RABGAP1L: variants seen among roughly 807,000 people sequenced by gnomAD.
RABGAP1L encodes rab GTPase-activating protein 1-like.
RABGAP1L carries 63 observed loss-of-function variants against 137.7 expected under a neutral mutation model. The observed-to-expected ratio is 0.46, with a 90% CI of 0.37 to 0.56. The LOEUF (loss-of-function observed/expected upper bound fraction) is 0.56. Ranked by LOEUF, RABGAP1L falls within the 20% of genes least tolerant of loss-of-function variation. RABGAP1L has a pLI of 0.00. For synonymous variants in RABGAP1L, 431 were observed against 433.7 expected, an observed-to-expected ratio of 0.99 and a Z score of 0.08; for missense variants, 1,095 against 1,244.0, an observed-to-expected ratio of 0.88 and a Z score of 1.80.
chr1:174,805,142 C>A (rs1028938850), intron 18 of RABGAP1L, among the ~76,000 whole-genome samples: 1 of 152,084 alleles, frequency 6.6e-6, no homozygotes, highest in Non-Finnish European at 1.5e-5. Flanking sequence ...TGAAGTGGAG[C>A]CTTAATAAAT....
chr1:174,459,696 CT>C (rs1057398236), intron 13 of RABGAP1L, among the ~76,000 whole-genome samples: 2 of 151,924 alleles, frequency 1.3e-5, no homozygotes, highest in Admixed American at 6.6e-5. Context: ...TTTTTTTCCC[CT>C]GAATATTTTC....
At chr1:174,800,333 A>G in intron 18 of RABGAP1L, 1 of 1,549,970 alleles carries the variant, frequency 6.5e-7, no homozygotes, top group Non-Finnish European at 8.7e-7. Context: ...CTTAGTGCTC[A>G]TGGAAGAAGG....
At chr1:174,423,918 A>AG (rs1374021348) in intron 13 of RABGAP1L, among the ~76,000 whole-genome samples, 1 of 152,138 alleles carries the variant, frequency 6.6e-6, no homozygotes, top group Non-Finnish European at 1.5e-5. Flanking sequence ...TTAGAAACAG[A>AG]GAAAAAAAAT....
At chr1:174,342,250 A>G (rs955250440) in intron 11 of RABGAP1L, among the ~76,000 whole-genome samples, 3 of 152,174 alleles carry the variant, frequency 2.0e-5, no homozygotes, top group Admixed American at 6.5e-5. Context: ...CAGAAACAGG[A>G]TAGAGTTCTT....
chr1:174,218,982 C>G (rs1669547992), intron 1 of RABGAP1L, 143 bp from the exon 2 acceptor site: 1 of 619,198 alleles, frequency 1.6e-6, no homozygotes, highest in Non-Finnish European at 2.6e-6. Flanking sequence ...AAGAAGGTAG[C>G]CTCCCTAACT....
intron 18 of RABGAP1L, among the ~76,000 whole-genome samples, chr1:174,764,213 T>G (rs1004813045): frequency 6.6e-6 from 1 of 152,232 alleles, no homozygotes; most frequent in African/African-American, 2.4e-5. Flanking sequence ...ATTAATCAGT[T>G]AATAAACATT....
intron 18 of RABGAP1L, among the ~76,000 whole-genome samples, chr1:174,791,265 A>G (rs907492079): frequency 1.3e-5 from 2 of 152,202 alleles, no homozygotes; most frequent in African/African-American, 4.8e-5. Flanking sequence ...TTCACTTGCT[A>G]ATACATGGGT....
At chr1:174,619,817 A>G (rs895777254) in intron 13 of RABGAP1L, among the ~76,000 whole-genome samples, 3 of 152,226 alleles carry the variant, frequency 2.0e-5, no homozygotes, top group Non-Finnish European at 2.9e-5. Context: ...AATGGAATAA[A>G]TGCTCCAATT....
intron 15 of RABGAP1L, among the ~76,000 whole-genome samples, chr1:174,693,616 T>G (rs1679033248): frequency 6.6e-6 from 1 of 152,248 alleles, no homozygotes; most frequent in African/African-American, 2.4e-5. Flanking sequence ...TTTATGCAAT[T>G]TGTTTATTTA....
intron 18 of RABGAP1L, among the ~76,000 whole-genome samples, chr1:174,785,730 A>T (rs1377937180): frequency 6.6e-6 from 1 of 152,240 alleles, no homozygotes; most frequent in Non-Finnish European, 1.5e-5. Context: ...TCTCATGTCT[A>T]TAACCCACGC....
At chr1:174,199,918 C>G (rs1047089122) in intron 1 of RABGAP1L, among the ~76,000 whole-genome samples, 5 of 152,084 alleles carry the variant, frequency 3.3e-5, no homozygotes, top group African/African-American at 9.7e-5. Flanking sequence ...AAAATACTTT[C>G]TTAGGTTCTC....
intron 2 of RABGAP1L, among the ~76,000 whole-genome samples, chr1:174,220,526 G>T (rs1358663616): frequency 6.6e-6 from 1 of 152,038 alleles, no homozygotes; most frequent in Non-Finnish European, 1.5e-5. Flanking sequence ...AAATTAGCTG[G>T]GTGTGGTCGT....
At chr1:174,988,899 T>C in intron 25 of RABGAP1L, 61 bp downstream of exon 25, 3 of 1,431,802 alleles carry the variant, frequency 2.1e-6, no homozygotes, top group Non-Finnish European at 2.8e-6. Flanking sequence ...CAGGATACTC[T>C]AGTACTTCAG....
chr1:174,584,370 A>T (rs1246573733), intron 13 of RABGAP1L, among the ~76,000 whole-genome samples: 1 of 152,154 alleles, frequency 6.6e-6, no homozygotes, highest in African/African-American at 2.4e-5. Flanking sequence ...GTGTTTCTCT[A>T]TTAGCCTGGA....
At chr1:174,866,114 AGAGAGAGAG>A in intron 19 of RABGAP1L, among the ~76,000 whole-genome samples, 1 of 14,912 alleles carries the variant, frequency 6.7e-5, no homozygotes, top group African/African-American at 3.7e-4. Flanking sequence ...GGAGGGGGAG[AGAGAGAGAG>A]AGAGAGAGAG....
At chr1:174,211,682 A>G (rs1668897001) in intron 1 of RABGAP1L, among the ~76,000 whole-genome samples, 1 of 152,164 alleles carries the variant, frequency 6.6e-6, no homozygotes, top group Non-Finnish European at 1.5e-5. Flanking sequence ...GATACAGAGT[A>G]GTGGCTGAAT....
rs1034290184 is a variant in RABGAP1L, at chr1:174,991,228, G to A, written c.*1227G>A. 1.3e-5 allele frequency: 2 copies of A among 152,128 alleles called. No individual in the cohort carries two copies. Among genetic ancestry groups the A allele is most frequent in the Non-Finnish European group, 2.9e-5 (2 of 68,002 alleles). The allele number at this position is 152,128 out of a possible 1,614,324, so 9.4% of individuals were successfully genotyped here. On this transcript the variant is annotated 3_prime_UTR_variant, in exon 26 of 26. Transcript: ENST00000681986. ...ATGCCTATAAAAATAGTCCTTGCAG[G>A]AAATTATTTGATAAGAGCAAAACTA...
chr1:174,264,982 C>T (rs1417765614), intron 7 of RABGAP1L, among the ~76,000 whole-genome samples: 4 of 151,866 alleles, frequency 2.6e-5, no homozygotes, highest in Admixed American at 2.6e-4. Flanking sequence ...ATTTTTTGCC[C>T]ATGTTTTGTT....
At chr1:174,820,529 G>A (rs376691108) in intron 19 of RABGAP1L, among the ~76,000 whole-genome samples, 15 of 152,254 alleles carry the variant, frequency 9.9e-5, no homozygotes, top group African/African-American at 3.6e-4. Context: ...GGGAAATGGA[G>A]TCTAATTAAT....
Sources: gnomAD v4.1 joint callset for allele counts (sites outside exome capture counted in the v4.1 genomes callset) on GRCh38, gnomAD v4.1.1 for gene constraint, MANE v1.5 for transcripts, NCBI Gene and HGNC (gene_info 2026-07-23, HGNC 2026-07-21) for gene names.